The following URGCP variants were observed in gnomAD, a reference collection of about 807,000 sequenced individuals.
URGCP encodes the protein up-regulator of cell proliferation.
Under a neutral mutation model 24.6 loss-of-function variants are expected in URGCP, and 13 were observed. The ratio of observed to expected loss-of-function variants is 0.53; its 90% CI spans 0.34 to 0.84. The LOEUF is 0.84. Among genes scored for constraint, URGCP ranks in the 40% least tolerant of loss-of-function variants. The pLI, the probability that URGCP is intolerant of heterozygous loss-of-function variation, is 0.01. For missense variants in URGCP, 899 were observed against 1,194.3 expected (o/e 0.75, Z 3.64); for synonymous variants, 444 against 487.2 (o/e 0.91, Z 1.17).
At chr7:43,921,342 A>G (rs2095922218) in intron 1 of URGCP, among the ~76,000 whole-genome samples, 1 of 152,168 alleles carries the variant, frequency 6.6e-6, no homozygotes, top group South Asian at 2.1e-4. Flanking sequence ...AAAAAAGAAA[A>G]AAAGAGAGAG....
chr7:43,913,016 A>G (rs1438260494), intron 1 of URGCP, among the ~76,000 whole-genome samples: 1 of 151,734 alleles, frequency 6.6e-6, no homozygotes, highest in East Asian at 1.9e-4. Context: ...ATGCCCAGCT[A>G]ATTTTTATAT....
chr7:43,885,789 C>T (rs1278973979), intron 3 of URGCP, among the ~76,000 whole-genome samples: 9 of 152,234 alleles, frequency 5.9e-5, no homozygotes, highest in Non-Finnish European at 7.3e-5. Flanking sequence ...TGAAGTTCTC[C>T]ATCTGCAATG....
At chr7:43,906,688 A>G, upstream of URGCP, 7 of 891,022 alleles carry the variant, frequency 7.9e-6, no homozygotes, top group Non-Finnish European at 9.0e-6. Flanking sequence ...GACGCGCTCC[A>G]GGGGTGGAGG....
intron 1 of URGCP, among the ~76,000 whole-genome samples, chr7:43,920,312 C>A (rs2095920803): frequency 6.6e-6 from 1 of 152,160 alleles, no homozygotes; most frequent in South Asian, 2.1e-4. Context: ...GCAATCCCAG[C>A]GCTTTGGGAG....
At position 43,876,355 on chromosome 7, in the gene URGCP, G is replaced by T; in HGVS notation, c.*312C>A. ...GACGCTGCTCCCACTCCAGGGGCCA[G>T]TGACAGAGAGCAGCTATACAGAGGG... is the stretch of plus-strand genomic sequence containing the variant. On this transcript the variant is annotated 3_prime_UTR_variant, in exon 6 of 6. Coordinates refer to ENST00000453200, the MANE Select transcript of URGCP (RefSeq NM_001077663.3). The T allele has an allele frequency of 3.1e-6, 1 of 325,130 alleles. No individual in the cohort carries two copies. Among genetic ancestry groups the T allele is most frequent in the Non-Finnish European group, 5.7e-6 (1 of 175,262 alleles). The allele number at this position is 325,130 out of a possible 1,614,324, so 20.1% of individuals were successfully genotyped here.
At chr7:43,926,536 G>A, upstream of URGCP, 1 of 1,564,564 alleles carries the variant, frequency 6.4e-7, no homozygotes, top group South Asian at 1.2e-5. Flanking sequence ...GGGTAGGATG[G>A]CGCTAAAGCG....
At position 43,876,388 on chromosome 7, in the gene URGCP, C is replaced by G. The variant is rs1214759972; in HGVS notation, c.*279G>C. The G allele has an allele frequency of 2.3e-6, 1 of 442,312 alleles. No homozygotes were observed. The highest frequency in any genetic ancestry group is 4.3e-5 in the East Asian group (1 of 23,012). 27.4% of individuals were successfully genotyped at this position (442,312 alleles called of 1,614,324 possible). On this transcript the variant is annotated 3_prime_UTR_variant, in exon 6 of 6. Coordinates refer to ENST00000453200, the MANE Select transcript of URGCP (RefSeq NM_001077663.3). ...GAGCAGCTATACAGAGGGCCCACCC[C>G]GCAGGATCCTTGACAGGAGCTGAGA...
At chr7:43,926,687 A>T (rs1009969385), upstream of URGCP, 1 of 956,398 alleles carries the variant, frequency 1.0e-6, no homozygotes, top group Non-Finnish European at 1.5e-6. Flanking sequence ...GGAAGGAGGC[A>T]GAACAGCCTC....
At chr7:43,916,513 G>A (rs1365901138) in intron 1 of URGCP, among the ~76,000 whole-genome samples, 3 of 152,142 alleles carry the variant, frequency 2.0e-5, no homozygotes, top group African/African-American at 2.4e-5. Flanking sequence ...GGGATCCAGA[G>A]GCAGACGACA....
upstream of URGCP, among the ~76,000 whole-genome samples, chr7:43,908,867 T>G (rs934550551): frequency 2.0e-5 from 3 of 152,214 alleles, no homozygotes; most frequent in Non-Finnish European, 4.4e-5. Context: ...ATCTGCTTTT[T>G]GTGAGTTGAT....
At chr7:43,889,949 G>C (rs2095868005) in intron 1 of URGCP, among the ~76,000 whole-genome samples, 2 of 151,140 alleles carry the variant, frequency 1.3e-5, no homozygotes, top group Non-Finnish European at 2.9e-5. Context: ...TTGTCACCCA[G>C]GTTGGAGTGC....
intron 1 of URGCP, among the ~76,000 whole-genome samples, chr7:43,916,817 C>T (rs943955204): frequency 4.8e-5 from 7 of 145,336 alleles, no homozygotes; most frequent in South Asian, 2.2e-4. Context: ...GAAAGAGGGA[C>T]GCCTTGCTTT....
At chr7:43,917,263 A>T (rs2095916573) in intron 1 of URGCP, among the ~76,000 whole-genome samples, 1 of 152,216 alleles carries the variant, frequency 6.6e-6, no homozygotes, top group South Asian at 2.1e-4. Context: ...TAAAGTTTTA[A>T]TTAATAAAAA....
At chr7:43,915,854 C>T (rs2095914869) in intron 1 of URGCP, among the ~76,000 whole-genome samples, 1 of 152,108 alleles carries the variant, frequency 6.6e-6, no homozygotes, top group South Asian at 2.1e-4. Context: ...ACTAAAAATA[C>T]AAAAATTAGC....
At chr7:43,893,884 A>T (rs1368727936) in intron 1 of URGCP, among the ~76,000 whole-genome samples, 1 of 152,116 alleles carries the variant, frequency 6.6e-6, no homozygotes, top group East Asian at 1.9e-4. Context: ...AAAAGAAAAG[A>T]AAGTAAAGGG....
At position 43,876,584 on chromosome 7, in the gene URGCP, A is replaced by G; in HGVS notation, c.*83T>C. The stretch of plus-strand genomic sequence containing the variant: ...TGGGCACCAGCCATTCTCAGGCACC[A>G]GAGCACAGCCCCACACGGGTGCCCC... On this transcript the variant is annotated 3_prime_UTR_variant, in exon 6 of 6. Coordinates refer to ENST00000453200, the MANE Select transcript of URGCP (RefSeq NM_001077663.3). 1 of 1,455,134 alleles carries G rather than the reference A, an allele frequency of 6.9e-7. No individual in the cohort carries two copies. Among genetic ancestry groups the G allele is most frequent in the South Asian group, 1.3e-5 (1 of 75,894 alleles). The allele number at this position is 1,455,134 out of a possible 1,614,324, so 90.1% of individuals were successfully genotyped here. A position where few individuals can be genotyped will look rare whatever the true frequency, so the allele number is the denominator to read the frequency against.
At chr7:43,883,491 G>A (rs1585795538) in intron 3 of URGCP, among the ~76,000 whole-genome samples, 1 of 151,110 alleles carries the variant, frequency 6.6e-6, no homozygotes, top group African/African-American at 2.4e-5. Context: ...CTCCTGAGTA[G>A]GTGGGACTAC....
upstream of URGCP, chr7:43,926,699 C>T (rs1415481003): frequency 9.1e-6 from 8 of 881,208 alleles, no homozygotes; most frequent in Non-Finnish European, 1.3e-5. Flanking sequence ...AACAGCCTCC[C>T]GCGCAGCCTG....
At chr7:43,920,405 C>A (rs1285523181) in intron 1 of URGCP, among the ~76,000 whole-genome samples, 1 of 151,656 alleles carries the variant, frequency 6.6e-6, no homozygotes, top group Non-Finnish European at 1.5e-5. Context: ...TCTAAAAATA[C>A]AAAAAAAATT....
Sources: allele counts gnomAD v4.1 joint callset (sites outside exome capture counted in the v4.1 genomes callset), GRCh38; gene constraint gnomAD v4.1.1; transcripts MANE v1.5; gene names NCBI Gene and HGNC (gene_info 2026-07-23, HGNC 2026-07-21).